Variants in ASIC2 observed in about 807,000 individuals in gnomAD.
The protein encoded by ASIC2 is acid-sensing ion channel 2.
ASIC2 carries 25 observed loss-of-function variants against 57.3 expected under a neutral mutation model. The observed-to-expected ratio is 0.44, with a 90% CI of 0.32 to 0.61. The LOEUF is 0.61. ASIC2 is among the 20% of genes least tolerant of loss of function. The pLI, the probability that ASIC2 is intolerant of heterozygous loss-of-function variation, is 0.06. For synonymous variants in ASIC2, 319 were observed against 307.5 expected, an observed-to-expected ratio of 1.04 and a Z score of -0.39; for missense variants, 641 against 738.1, an observed-to-expected ratio of 0.87 and a Z score of 1.52.
In ASIC2 at chr17:33,292,692, C is replaced by A; in HGVS notation, c.-577G>T. ...AACGAGCGCCCCCAGAGGCGCACCGCGGCTCCTGGCTGGGCGGGCGGGGTG... is the reference window on the plus strand; with the variant it reads ...AACGAGCGCCCCCAGAGGCGCACCGAGGCTCCTGGCTGGGCGGGCGGGGTG... On this transcript the variant is annotated 5_prime_UTR_variant, in exon 1 of 10. Transcript: ENST00000225823. 2 of 985,554 alleles carry A rather than the reference C, an allele frequency of 2.0e-6. No homozygotes were observed. The highest frequency in any genetic ancestry group is 1.7e-5 in the African/African-American group (1 of 57,376). 61.1% of individuals were successfully genotyped at this position (985,554 alleles called of 1,614,324 possible). A position where few individuals can be genotyped will look rare whatever the true frequency, so the allele number is the denominator to read the frequency against.
chr17:33,472,661 A>G (rs896468663), intron 1 of ASIC2, among the ~76,000 whole-genome samples: 1 of 152,158 alleles, frequency 6.6e-6, no homozygotes, highest in Non-Finnish European at 1.5e-5. Flanking sequence ...CCTGCAGAAC[A>G]TCTTGGCAAT....
At chr17:33,388,420 C>T (rs867245314) in intron 1 of ASIC2, among the ~76,000 whole-genome samples, 4 of 152,320 alleles carry the variant, frequency 2.6e-5, no homozygotes, top group Middle Eastern at 3.4e-3. Flanking sequence ...CAGTTTTCAC[C>T]TTTGTAGAAA....
At chr17:34,034,143 C>T (rs1484763161) in intron 1 of ASIC2, among the ~76,000 whole-genome samples, 3 of 152,150 alleles carry the variant, frequency 2.0e-5, no homozygotes, top group African/African-American at 4.8e-5. Context: ...TCCAGCAGCA[C>T]ATCAAAAAGC....
At chr17:33,878,310 G>C (rs562502353) in intron 1 of ASIC2, among the ~76,000 whole-genome samples, 1 of 152,148 alleles carries the variant, frequency 6.6e-6, no homozygotes, top group Non-Finnish European at 1.5e-5. Flanking sequence ...AAACTACTCT[G>C]AGCTAAAGGA....
chr17:33,086,724 G>A (rs1021293363), intron 3 of ASIC2, among the ~76,000 whole-genome samples: 2 of 151,982 alleles, frequency 1.3e-5, no homozygotes, highest in African/African-American at 2.4e-5. Context: ...GAGAAAACTC[G>A]AGGCTGCCAA....
At chr17:33,714,994 A>ATTATTG (rs1178837924) in intron 1 of ASIC2, among the ~76,000 whole-genome samples, 2 of 147,052 alleles carry the variant, frequency 1.4e-5, no homozygotes, top group African/African-American at 5.0e-5. Flanking sequence ...ATTTATTATT[A>ATTATTG]TTATTATTAT....
chr17:33,334,799 T>C (rs942294153), intron 1 of ASIC2, among the ~76,000 whole-genome samples: 2 of 152,094 alleles, frequency 1.3e-5, no homozygotes, highest in African/African-American at 4.8e-5. Flanking sequence ...CCACAGGTGA[T>C]GGGGGTCGTC....
At chr17:33,868,461 A>G in intron 1 of ASIC2, among the ~76,000 whole-genome samples, 1 of 151,768 alleles carries the variant, frequency 6.6e-6, no homozygotes, top group Middle Eastern at 3.4e-3. Context: ...TGCAAAATGG[A>G]TCATAGATTT....
intron 1 of ASIC2, among the ~76,000 whole-genome samples, chr17:33,478,680 G>A (rs1913307654): frequency 6.6e-6 from 1 of 152,184 alleles, no homozygotes; most frequent in Non-Finnish European, 1.5e-5. Flanking sequence ...GTGAGAGCTG[G>A]AAGAGTCCCT....
chr17:33,467,144 T>A (rs1360498109), intron 1 of ASIC2, among the ~76,000 whole-genome samples: 2 of 152,232 alleles, frequency 1.3e-5, no homozygotes, highest in African/African-American at 4.8e-5. Context: ...TTTTGCCATG[T>A]TGACCAGGCT....
At chr17:33,093,423 A>G (rs906302565) in intron 2 of ASIC2, among the ~76,000 whole-genome samples, 3 of 151,826 alleles carry the variant, frequency 2.0e-5, no homozygotes, top group Non-Finnish European at 4.4e-5. Context: ...GGATTCAAGG[A>G]CAGAAAGAGA....
intron 1 of ASIC2, among the ~76,000 whole-genome samples, chr17:33,472,240 G>A (rs982332527): frequency 6.6e-6 from 1 of 151,820 alleles, no homozygotes; most frequent in African/African-American, 2.4e-5. Context: ...GTCTGGTCTC[G>A]AACTCCTGAC....
At position 33,514,214 on chromosome 17, in the gene ASIC2, C is replaced by T. The variant is rs149631814; in HGVS notation, c.556-402147G>A. On this transcript the variant is annotated intron_variant, in intron 1 of 9. Transcript: ENST00000359872. ...GCCTAATCTTGACCACCTGCCACTC[C>T]TGACTCAGAATTTTCAGATGAGAGA... Among the ~76,000 whole-genome samples the T allele has an allele frequency of 3.4e-3, 520 of 152,302 alleles. 4 individuals carry two copies. The highest frequency in any genetic ancestry group is 0.012 in the African/African-American group (478 of 41,562).
chr17:33,794,982 T>A (rs1911874615), intron 1 of ASIC2, among the ~76,000 whole-genome samples: 1 of 152,198 alleles, frequency 6.6e-6, no homozygotes, highest in East Asian at 1.9e-4. Context: ...AGCCACATTA[T>A]CTGAATGACC....
At chr17:33,510,076 A>G (rs1914385816) in intron 1 of ASIC2, among the ~76,000 whole-genome samples, 1 of 152,164 alleles carries the variant, frequency 6.6e-6, no homozygotes, top group African/African-American at 2.4e-5. Context: ...GTGAGCATCT[A>G]TCTGCATGTG....
chr17:33,872,428 T>C (rs1914441278), intron 1 of ASIC2, among the ~76,000 whole-genome samples: 1 of 152,192 alleles, frequency 6.6e-6, no homozygotes, highest in Non-Finnish European at 1.5e-5. Context: ...GTATGTGGTT[T>C]CTGAGGACTG....
chr17:33,598,901 G>A (rs1479971997), intron 1 of ASIC2, among the ~76,000 whole-genome samples: 1 of 152,212 alleles, frequency 6.6e-6, no homozygotes, highest in Non-Finnish European at 1.5e-5. Context: ...TACTTTGTCA[G>A]GGAGTCTGAG....
chr17:33,998,692 G>C (rs957475112), intron 1 of ASIC2, among the ~76,000 whole-genome samples: 3 of 151,926 alleles, frequency 2.0e-5, no homozygotes, highest in Non-Finnish European at 2.9e-5. Flanking sequence ...TTTCCTGCTG[G>C]TTTTGATTTT....
At chr17:34,001,966 A>G (rs1453827790) in intron 1 of ASIC2, 1 of 152,076 alleles carries the variant, frequency 6.6e-6, no homozygotes, top group Non-Finnish European at 1.5e-5. Flanking sequence ...TATGGGTTTT[A>G]CTTTTATTTA....
Sources: gnomAD v4.1 joint callset for allele counts (sites outside exome capture counted in the v4.1 genomes callset) on GRCh38, gnomAD v4.1.1 for gene constraint, MANE v1.5 for transcripts, NCBI Gene and HGNC (gene_info 2026-07-23, HGNC 2026-07-21) for gene names.